GRIN2B: variants seen among roughly 807,000 people sequenced by gnomAD.
The protein encoded by GRIN2B is glutamate receptor ionotropic, NMDA 2B.
In GRIN2B, 5 loss-of-function variants were observed where a neutral mutation model predicts 114.5. The observed-to-expected ratio is 0.04, with a 90% CI of 0.02 to 0.09. The LOEUF (loss-of-function observed/expected upper bound fraction) is 0.09, where lower values mean the gene tolerates loss of function less well. Among genes scored for constraint, GRIN2B ranks in the 10% least tolerant of loss-of-function variants. The pLI, the probability that GRIN2B is intolerant of heterozygous loss-of-function variation, is 1.00. For synonymous variants in GRIN2B, 787 were observed against 745.1 expected (o/e 1.06, Z -0.92); for missense variants, 1,108 against 1,943.5 (o/e 0.57, Z 8.08).
intron 3 of GRIN2B, among the ~76,000 whole-genome samples, chr12:13,831,395 G>A (rs1865142849): frequency 6.6e-6 from 1 of 152,184 alleles, no homozygotes; most frequent in South Asian, 2.1e-4. Flanking sequence ...AGAGCTGGGA[G>A]AATTCTCAGT....
intron 3 of GRIN2B, among the ~76,000 whole-genome samples, chr12:13,821,126 C>T (rs1864927236): frequency 6.6e-6 from 1 of 152,022 alleles, no homozygotes; most frequent in African/African-American, 2.4e-5. Flanking sequence ...TTCCATTTTT[C>T]TTGAATGCTT....
chr12:13,570,536 T>TGGTGGCAG (rs25562), intron 11 of GRIN2B, among the ~76,000 whole-genome samples: 3,267 of 152,168 alleles, frequency 0.021, 117 homozygotes, highest in African/African-American at 0.075. Flanking sequence ...GGGGTTGAGG[T>TGGTGGCAG]GGTGGCAGTA....
chr12:13,582,073 G>A (rs1408478167), intron 10 of GRIN2B, among the ~76,000 whole-genome samples: 2 of 152,152 alleles, frequency 1.3e-5, no homozygotes, highest in African/African-American at 4.8e-5. Flanking sequence ...TGTTCCAAAA[G>A]GAGAAATAAG....
At position 13,554,029 on chromosome 12, in the gene GRIN2B, G is replaced by C. The variant is rs1452384874; in HGVS notation, c.*8754C>G. 1 of 152,100 alleles carries C rather than the reference G, an allele frequency of 6.6e-6. No homozygotes were observed. The highest frequency in any genetic ancestry group is 1.5e-5 in the Non-Finnish European group (1 of 68,018). 9.4% of individuals were successfully genotyped at this position (152,100 alleles called of 1,614,324 possible). Reference sequence around the variant, plus strand: ...GTGTGCAGATATATATAGAGAAACTGGGGGGATTCATCCTTAGGTGCTACT... The same window carrying C: ...GTGTGCAGATATATATAGAGAAACTCGGGGGATTCATCCTTAGGTGCTACT... On this transcript the variant is annotated 3_prime_UTR_variant, in exon 14 of 14. Coordinates refer to ENST00000609686, the MANE Select transcript of GRIN2B (RefSeq NM_000834.5).
At chr12:13,743,431 T>C (rs1863319184) in intron 4 of GRIN2B, among the ~76,000 whole-genome samples, 1 of 152,222 alleles carries the variant, frequency 6.6e-6, no homozygotes, top group East Asian at 1.9e-4. Flanking sequence ...CTATTTTGAG[T>C]CATAGTCTCT....
Position 13,616,765 on chromosome 12 carries a change from C to A in GRIN2B, c.1126-108G>T. Reference sequence around the variant, plus strand: ...CAGGAAGCAGTTGAACAAAAGCCAACAAGTGCCAACATTGTACATACTAGA... The same window carrying A: ...CAGGAAGCAGTTGAACAAAAGCCAAAAAGTGCCAACATTGTACATACTAGA... On this transcript the variant is annotated intron_variant, in intron 5 of 13. Transcript: ENST00000609686. 4.8e-6 allele frequency: 4 copies of A among 832,616 alleles called. No homozygotes were observed. The Admixed American group carries it at 5.3e-5, about 11-fold the overall frequency. The allele number at this position is 832,616 out of a possible 1,614,324, so 51.6% of individuals were successfully genotyped here.
At chr12:13,685,021 G>A (rs1266741119) in intron 4 of GRIN2B, among the ~76,000 whole-genome samples, 1 of 152,068 alleles carries the variant, frequency 6.6e-6, no homozygotes, top group Non-Finnish European at 1.5e-5. Flanking sequence ...GAACTTTCAG[G>A]CCTACTGAAA....
At chr12:13,918,447 T>A (rs1866768155) in intron 2 of GRIN2B, among the ~76,000 whole-genome samples, 1 of 152,140 alleles carries the variant, frequency 6.6e-6, no homozygotes. Flanking sequence ...ACTCAACAAA[T>A]CTTAGTTCAA....
At chr12:13,776,960 G>A (rs1461283588) in intron 3 of GRIN2B, among the ~76,000 whole-genome samples, 1 of 152,078 alleles carries the variant, frequency 6.6e-6, no homozygotes, top group African/African-American at 2.4e-5. Context: ...GAGCAATAAT[G>A]CAGGCAGGAG....
chr12:13,670,973 C>G (rs1214505478), intron 5 of GRIN2B, among the ~76,000 whole-genome samples: 1 of 152,006 alleles, frequency 6.6e-6, no homozygotes, highest in Admixed American at 6.6e-5. Flanking sequence ...GTAAATGTAT[C>G]AAATCTGTAA....
chr12:13,825,496 T>TTTTTTTTTTGTGTGTGTGTGTG (rs375940899), intron 3 of GRIN2B, among the ~76,000 whole-genome samples: 3 of 122,994 alleles, frequency 2.4e-5, no homozygotes, highest in African/African-American at 9.4e-5. Flanking sequence ...TATATATATT[T>TTTTTTTTTTGTGTGTGTGTGTG]TGTGTGTGTG....
intron 2 of GRIN2B, among the ~76,000 whole-genome samples, chr12:13,891,248 T>C (rs1474586252): frequency 3.9e-5 from 6 of 152,188 alleles, no homozygotes; most frequent in Admixed American, 3.9e-4. Flanking sequence ...GCCAAGACTC[T>C]GGCATTTTTC....
chr12:13,745,402 C>A (rs938520328), intron 4 of GRIN2B, among the ~76,000 whole-genome samples: 5 of 152,186 alleles, frequency 3.3e-5, no homozygotes, highest in Admixed American at 6.5e-5. Flanking sequence ...TAGGTAAGAA[C>A]CAAGGGAGCA....
intron 5 of GRIN2B, among the ~76,000 whole-genome samples, chr12:13,625,227 A>AT (rs1305640796): frequency 6.6e-6 from 1 of 152,136 alleles, no homozygotes; most frequent in Non-Finnish European, 1.5e-5. Context: ...AGCAGCTCAT[A>AT]TTTTTTTCAC....
chr12:13,701,251 G>T (rs1950310250), intron 4 of GRIN2B, among the ~76,000 whole-genome samples: 1 of 152,146 alleles, frequency 6.6e-6, no homozygotes, highest in Admixed American at 6.5e-5. Context: ...ACAATTCAAG[G>T]TGAGATTTGG....
chr12:13,865,525 G>A (rs200167871), intron 3 of GRIN2B, among the ~76,000 whole-genome samples: 23 of 152,054 alleles, frequency 1.5e-4, no homozygotes, highest in Admixed American at 8.5e-4. Flanking sequence ...CCAGCTACTC[G>A]GGAGGCTGAG....
intron 5 of GRIN2B, among the ~76,000 whole-genome samples, chr12:13,634,431 G>T (rs7299327): frequency 0.02 from 3,115 of 152,292 alleles, 110 homozygotes; most frequent in African/African-American, 0.072. Context: ...TTTCTAAGCA[G>T]TGATTTGGGA....
intron 3 of GRIN2B, among the ~76,000 whole-genome samples, chr12:13,841,434 T>C (rs1235934083): frequency 1.3e-5 from 2 of 152,210 alleles, no homozygotes; most frequent in Non-Finnish European, 2.9e-5. Context: ...ACACAGTACA[T>C]TGATCACTTC....
chr12:13,552,205 G>A lies in GRIN2B; in HGVS notation c.*10578C>T, dbSNP rs549754117. On this transcript the variant is annotated 3_prime_UTR_variant, in exon 14 of 14. Coordinates refer to ENST00000609686, the MANE Select transcript of GRIN2B (RefSeq NM_000834.5). ...CCCTCTGCCCAGGGTGATGATCAAG[G>A]GCTCCTTGGGTGCTGTAATCTGAAG... 1 of 152,270 alleles carries A rather than the reference G, an allele frequency of 6.6e-6. No individual in the cohort carries two copies. The highest frequency in any genetic ancestry group is 2.1e-4 in the South Asian group (1 of 4,810). 9.4% of individuals were successfully genotyped at this position (152,270 alleles called of 1,614,324 possible). A position where few individuals can be genotyped will look rare whatever the true frequency, so the allele number is the denominator to read the frequency against.
Sources: allele counts gnomAD v4.1 joint callset (sites outside exome capture counted in the v4.1 genomes callset), GRCh38; gene constraint gnomAD v4.1.1; transcripts MANE v1.5; gene names NCBI Gene and HGNC (gene_info 2026-07-23, HGNC 2026-07-21).